The following RBL1 variants were observed in gnomAD, a reference collection of about 807,000 sequenced individuals.
RBL1 encodes retinoblastoma-like protein 1.
Under a neutral mutation model 123.0 loss-of-function variants are expected in RBL1, and 82 were observed. The observed-to-expected ratio is 0.67, with a 90% CI of 0.56 to 0.80. The LOEUF is 0.80. Among genes scored for constraint, RBL1 ranks in the 30% least tolerant of loss-of-function variants. RBL1 has a pLI of 0.00. For synonymous variants in RBL1, 405 were observed against 441.3 expected (o/e 0.92, Z 1.03); for missense variants, 1,171 against 1,299.6 (o/e 0.90, Z 1.52).
At chr20:37,062,769 C>A (rs375346844) in intron 7 of RBL1, among the ~76,000 whole-genome samples, 5 of 150,866 alleles carry the variant, frequency 3.3e-5, no homozygotes, top group African/African-American at 1.2e-4. Context: ...TCCTGGCTAA[C>A]ACGGTGAAAC....
At chr20:37,087,075 G>A (rs367696105) in intron 2 of RBL1, among the ~76,000 whole-genome samples, 1 of 152,198 alleles carries the variant, frequency 6.6e-6, no homozygotes. Context: ...AGTGGCTCAC[G>A]CCTGTAATCC....
At chr20:37,068,413 G>T (rs1444084839) in intron 2 of RBL1, among the ~76,000 whole-genome samples, 8 of 152,064 alleles carry the variant, frequency 5.3e-5, no homozygotes. Flanking sequence ...AATTGCTTGA[G>T]CCCAGGATGT....
intron 2 of RBL1, among the ~76,000 whole-genome samples, chr20:37,087,212 G>GT (rs2065561659): frequency 6.6e-6 from 1 of 152,116 alleles, no homozygotes; most frequent in Non-Finnish European, 1.5e-5. Context: ...GCACATGCCT[G>GT]TAGTCCCAGC....
At chr20:37,056,021 TG>T in intron 10 of RBL1, 124 bp downstream of exon 10, 2 of 1,435,354 alleles carry the variant, frequency 1.4e-6, no homozygotes. Context: ...CACTCCAGCC[TG>T]GGCAACTCGG....
At chr20:37,030,240 A>G (rs2146242832) in intron 16 of RBL1, among the ~76,000 whole-genome samples, 1 of 152,338 alleles carries the variant, frequency 6.6e-6, no homozygotes, top group South Asian at 2.1e-4. Context: ...ACAGATAGAC[A>G]TATAGTCCAA....
At position 37,064,599 on chromosome 20, in the gene RBL1, G is replaced by A. The variant is rs189159548; in HGVS notation, c.896+825C>T. Among the ~76,000 whole-genome samples the A allele has an allele frequency of 6.3e-4, 96 of 151,898 alleles. 1 individual carries two copies. The South Asian group carries it at 0.01, about 16-fold the overall frequency. On this transcript the variant is annotated intron_variant, in intron 7 of 21. Transcript: ENST00000373664. Reference sequence around the variant, plus strand: ...TCTCTAAAAAAATAAAAATAAATACGTAAGTATCAATAATTTTTTTTTTTA... The same window carrying A: ...TCTCTAAAAAAATAAAAATAAATACATAAGTATCAATAATTTTTTTTTTTA...
intron 2 of RBL1, among the ~76,000 whole-genome samples, chr20:37,080,462 CT>C (rs796643116): frequency 1.6e-3 from 217 of 132,518 alleles, no homozygotes; most frequent in Middle Eastern, 5.2e-3. Context: ...CTCTCTCTCT[CT>C]TTTTTTTTTT....
intron 18 of RBL1, 129 bp from the exon 19 acceptor site, chr20:37,018,498 AAAATGTTATT>A: frequency 7.8e-7 from 1 of 1,275,804 alleles, no homozygotes; most frequent in South Asian, 1.9e-5. Flanking sequence ...ACTCAAGGGT[AAAATGTTATT>A]AGCTCTAGTA....
At chr20:37,004,457 A>T (rs1394015504) in intron 20 of RBL1, among the ~76,000 whole-genome samples, 1 of 150,504 alleles carries the variant, frequency 6.6e-6, no homozygotes, top group Non-Finnish European at 1.5e-5. Context: ...TCACACCTGT[A>T]ATGCCAGCAC....
intron 21 of RBL1, among the ~76,000 whole-genome samples, chr20:37,002,346 T>G (rs1241379097): frequency 2.9e-5 from 4 of 135,860 alleles, no homozygotes; most frequent in African/African-American, 8.1e-5. Flanking sequence ...GTTTTTTTTT[T>G]TTTTTTTTTT....
chr20:37,007,311 G>T, intron 20 of RBL1, 100 bp downstream of exon 20: 2 of 1,248,970 alleles, frequency 1.6e-6, no homozygotes, highest in Non-Finnish European at 2.3e-6. Context: ...CTGATTAATT[G>T]CTAGTAATTT....
chr20:37,024,793 T>C lies in RBL1; in HGVS notation c.2383-1967A>G, dbSNP rs561492332. Among the ~76,000 whole-genome samples, 7 of 152,234 alleles carry C rather than the reference T, an allele frequency of 4.6e-5. No individual in the cohort carries two copies. The South Asian group carries it at 1.5e-3, about 32-fold the overall frequency. ...AGGCAATAATTTGCCATTTTGAAAA[T>C]TAAAAATGGTAAGTAAATGGGGAAA... On this transcript the variant is annotated intron_variant, in intron 16 of 21. Transcript: ENST00000373664.
At chr20:37,069,840 G>A (rs1174238950) in intron 2 of RBL1, among the ~76,000 whole-genome samples, 1 of 151,198 alleles carries the variant, frequency 6.6e-6, no homozygotes, top group Non-Finnish European at 1.5e-5. Flanking sequence ...TGTCCGGGAG[G>A]GAGGTGGGGG....
chr20:37,022,974 T>G (rs534662255), intron 16 of RBL1, 148 bp from the exon 17 acceptor site: 2 of 647,392 alleles, frequency 3.1e-6, no homozygotes, highest in South Asian at 5.6e-5. Context: ...AGTTCACTGC[T>G]ATGGCAGGAG....
intron 20 of RBL1, among the ~76,000 whole-genome samples, chr20:37,004,887 A>C (rs1471069920): frequency 6.6e-6 from 1 of 151,322 alleles, no homozygotes; most frequent in Non-Finnish European, 1.5e-5. Context: ...TCCTAAAAAT[A>C]TAAAAATTAG....
chr20:37,001,148 A>G (rs1165473528), intron 21 of RBL1, among the ~76,000 whole-genome samples: 1 of 144,992 alleles, frequency 6.9e-6, no homozygotes, highest in Non-Finnish European at 1.5e-5. Flanking sequence ...CCGCCCGGCC[A>G]GCCGCCCCGT....
chr20:37,065,416 A>G lies in RBL1; in HGVS notation c.896+8T>C, dbSNP rs1459735086. On this transcript the variant is annotated splice_region_variant and intron_variant, in intron 7 of 21. Transcript: ENST00000373664. Reference sequence around the variant, plus strand: ...ATAAGCCAGGCACCATTAGTACTAGATATTTACCTATTATCAGTAAAACTT... The same window carrying G: ...ATAAGCCAGGCACCATTAGTACTAGGTATTTACCTATTATCAGTAAAACTT... 1 of 1,565,652 alleles carries G rather than the reference A, an allele frequency of 6.4e-7. No homozygotes were observed. The highest frequency in any genetic ancestry group is 2.2e-5 in the East Asian group (1 of 44,564).
At chr20:37,043,626 T>C (rs553821609) in intron 13 of RBL1, among the ~76,000 whole-genome samples, 18 of 152,198 alleles carry the variant, frequency 1.2e-4, no homozygotes, top group African/African-American at 4.1e-4. Context: ...TGCACCATCT[T>C]TGTCCACTGC....
intron 1 of RBL1, among the ~76,000 whole-genome samples, chr20:37,095,054 T>TA (rs562377838): frequency 3.3e-5 from 5 of 152,296 alleles, no homozygotes; most frequent in Admixed American, 2.6e-4. Flanking sequence ...GTTGCGAGGA[T>TA]AAAATGCAAG....
Sources: gnomAD v4.1 joint callset for allele counts (sites outside exome capture counted in the v4.1 genomes callset) on GRCh38, gnomAD v4.1.1 for gene constraint, MANE v1.5 for transcripts, NCBI Gene and HGNC (gene_info 2026-07-23, HGNC 2026-07-21) for gene names.